Variants in PHACTR3 observed in about 807,000 individuals in gnomAD.
The protein encoded by PHACTR3 is phosphatase and actin regulator 3, also known as protein phosphatase 1, regulatory subunit 123.
PHACTR3 carries 16 observed loss-of-function variants against 66.8 expected under a neutral mutation model. The ratio of observed to expected loss-of-function variants is 0.24; its 90% confidence interval spans 0.16 to 0.36. PHACTR3 has a LOEUF of 0.36. PHACTR3 is among the 10% of genes least tolerant of loss of function. The pLI, the probability that PHACTR3 is intolerant of heterozygous loss-of-function variation, is 1.00. For synonymous variants in PHACTR3, 323 were observed against 292.1 expected, an observed-to-expected ratio of 1.11 and a Z score of -1.08; for missense variants, 647 against 719.9, an observed-to-expected ratio of 0.90 and a Z score of 1.16.
chr20:59,718,902 G>A (rs762221292), intron 1 of PHACTR3, among the ~76,000 whole-genome samples: 7 of 152,244 alleles, frequency 4.6e-5, no homozygotes, highest in East Asian at 1.9e-4. Flanking sequence ...ACGCATGGGC[G>A]TGTTGTCACC....
chr20:59,828,188 C>T (rs1315415099), intron 8 of PHACTR3, among the ~76,000 whole-genome samples: 1 of 151,924 alleles, frequency 6.6e-6, no homozygotes, highest in African/African-American at 2.4e-5. Flanking sequence ...TTACAGGTGG[C>T]GTCTCCTGGA....
intron 1 of PHACTR3, among the ~76,000 whole-genome samples, chr20:59,684,964 G>A (rs780183358): frequency 1.2e-4 from 18 of 152,226 alleles, no homozygotes; most frequent in African/African-American, 2.6e-4. Context: ...AGCACGTCCC[G>A]TGGCTCAGCT....
chr20:59,662,479 C>T lies in PHACTR3; in HGVS notation c.118+57347C>T, dbSNP rs1488873944. Among the ~76,000 whole-genome samples, 4 of 152,122 alleles carry T rather than the reference C, an allele frequency of 2.6e-5. 1 individual carries two copies. The highest frequency in any genetic ancestry group is 3.4e-3 in the Middle Eastern group (1 of 294). On this transcript the variant is annotated intron_variant, in intron 1 of 12. Transcript: ENST00000371015. ...GGAGAGAGCAGGATGTATGGACCAA[C>T]GAAAGGCCCATGAGTCTGGAAGGTG...
At chr20:59,745,613 G>A (rs765394028) in intron 2 of PHACTR3, among the ~76,000 whole-genome samples, 4 of 152,226 alleles carry the variant, frequency 2.6e-5, no homozygotes, top group African/African-American at 4.8e-5. Context: ...CGGGCATCAC[G>A]GGTTAGGATG....
chr20:59,828,436 C>T (rs561911691), intron 8 of PHACTR3, among the ~76,000 whole-genome samples: 6 of 152,310 alleles, frequency 3.9e-5, no homozygotes, highest in Admixed American at 2.6e-4. Context: ...ACTTACCTAT[C>T]GGAATATGTG....
intron 8 of PHACTR3, among the ~76,000 whole-genome samples, chr20:59,816,700 C>A (rs1329449892): frequency 6.6e-6 from 1 of 152,154 alleles, no homozygotes; most frequent in Non-Finnish European, 1.5e-5. Flanking sequence ...CAGCTAATTA[C>A]TGTTGAATGG....
chr20:59,692,063 C>G (rs1182430656), intron 1 of PHACTR3, among the ~76,000 whole-genome samples: 2 of 152,220 alleles, frequency 1.3e-5, no homozygotes, highest in East Asian at 3.8e-4. Context: ...TCTTAGCCTT[C>G]CGAGACAGGA....
At chr20:59,742,113 C>A (rs900661401) in intron 1 of PHACTR3, among the ~76,000 whole-genome samples, 1 of 152,242 alleles carries the variant, frequency 6.6e-6, no homozygotes, top group Non-Finnish European at 1.5e-5. Context: ...CTCCACACAC[C>A]AGTGTGTGCC....
chr20:59,682,783 G>A (rs142697474), intron 1 of PHACTR3, among the ~76,000 whole-genome samples: 15 of 152,282 alleles, frequency 9.9e-5, no homozygotes, highest in African/African-American at 3.4e-4. Flanking sequence ...CGGCCTGGTG[G>A]GTTCCAGGAA....
chr20:59,655,083 G>A (rs182865241), intron 1 of PHACTR3, among the ~76,000 whole-genome samples: 1 of 152,046 alleles, frequency 6.6e-6, no homozygotes, highest in East Asian at 1.9e-4. Context: ...TTTTAATTGT[G>A]TAAATTATAA....
chr20:59,745,830 C>T (rs549750202), intron 2 of PHACTR3, among the ~76,000 whole-genome samples: 5 of 152,338 alleles, frequency 3.3e-5, no homozygotes, highest in East Asian at 1.9e-4. Flanking sequence ...CCACCACTGA[C>T]GTCCCCATCC....
intron 1 of PHACTR3, among the ~76,000 whole-genome samples, chr20:59,606,070 G>T (rs1003974564): frequency 1.3e-5 from 2 of 152,172 alleles, no homozygotes; most frequent in African/African-American, 4.8e-5. Flanking sequence ...CAATTCCTTC[G>T]TAGATTCTGT....
At chr20:59,755,396 G>T in intron 4 of PHACTR3, 32 bp downstream of exon 4, 3 of 1,605,036 alleles carry the variant, frequency 1.9e-6, no homozygotes, top group Non-Finnish European at 2.5e-6. Flanking sequence ...AAGTTGAGCT[G>T]CTCCTAGAAT....
intron 8 of PHACTR3, among the ~76,000 whole-genome samples, chr20:59,832,802 A>T (rs1364346435): frequency 6.6e-6 from 1 of 151,874 alleles, no homozygotes; most frequent in Admixed American, 6.6e-5. Flanking sequence ...TCCTCTCCTC[A>T]CCTAGCGATC....
chr20:59,774,493 G>A lies in PHACTR3; in HGVS notation c.1174+3G>A, dbSNP rs1301133360. On this transcript the variant is annotated splice_donor_region_variant and intron_variant, in intron 7 of 12. Coordinates refer to ENST00000371015, the MANE Select transcript of PHACTR3 (RefSeq NM_080672.5). ...GCTGAACGACTCCATTATTTCTGGT[G>A]AGGAAAGGATGGCCCATTAAGTGTG... is the stretch of plus-strand genomic sequence containing the variant. 11 of 1,613,088 alleles carry A rather than the reference G, an allele frequency of 6.8e-6. No homozygotes were observed. In the Middle Eastern group the frequency reaches 8.3e-4, roughly 121 times the overall value.
intron 1 of PHACTR3, among the ~76,000 whole-genome samples, chr20:59,708,853 C>A (rs980417187): frequency 2.0e-5 from 3 of 152,202 alleles, no homozygotes; most frequent in African/African-American, 7.2e-5. Context: ...GGACGATGAA[C>A]TGTCAAATGA....
In PHACTR3 at chr20:59,767,175, C is replaced by T. The variant is rs2040206458; in HGVS notation, c.542-11C>T. ...ACATGTTTTTAACTCTCTGCTTTGC[C>T]TTTGAACCAGCCAAGATGCCTTCTG... On this transcript the variant is annotated splice_polypyrimidine_tract_variant and intron_variant, in intron 4 of 12. Coordinates refer to ENST00000371015, the MANE Select transcript of PHACTR3 (RefSeq NM_080672.5). 6.2e-7 allele frequency: 1 copy of T among 1,614,034 alleles called. No homozygotes were observed. The highest frequency in any genetic ancestry group is 1.1e-5 in the South Asian group (1 of 91,068).
At chr20:59,808,468 A>G (rs1568842449) in intron 8 of PHACTR3, among the ~76,000 whole-genome samples, 1 of 152,144 alleles carries the variant, frequency 6.6e-6, no homozygotes, top group Non-Finnish European at 1.5e-5. Flanking sequence ...CCACCCTGTG[A>G]GGTGTGAGTC....
intron 7 of PHACTR3, among the ~76,000 whole-genome samples, chr20:59,784,529 C>T (rs2040840036): frequency 1.3e-5 from 2 of 152,082 alleles, no homozygotes; most frequent in South Asian, 4.1e-4. Context: ...AGGCTTTCCA[C>T]ATAGGGACAG....
Sources: gnomAD v4.1 joint callset for allele counts (sites outside exome capture counted in the v4.1 genomes callset) on GRCh38, gnomAD v4.1.1 for gene constraint, MANE v1.5 for transcripts, NCBI Gene and HGNC (gene_info 2026-07-23, HGNC 2026-07-21) for gene names.